CDC42SE2: variants seen among roughly 807,000 people sequenced by gnomAD.
CDC42SE2 encodes the protein CDC42 small effector 2.
A neutral mutation model predicts 11.5 loss-of-function variants in CDC42SE2; 3 were observed. The ratio of observed to expected loss-of-function variants is 0.26; its 90% confidence interval spans 0.12 to 0.67. CDC42SE2 has a LOEUF of 0.67. Among genes scored for constraint, CDC42SE2 ranks in the 30% least tolerant of loss-of-function variants. The pLI, the probability that CDC42SE2 is intolerant of heterozygous loss-of-function variation, is 0.80. For missense variants in CDC42SE2, 82 were observed against 106.8 expected (o/e 0.77, Z 1.02); for synonymous variants, 33 against 34.8 (o/e 0.95, Z 0.18).
chr5:131,212,215 C>T, the CDC42SE2 span, among the ~76,000 whole-genome samples: 2 of 151,980 alleles, frequency 1.3e-5, no homozygotes, highest in Admixed American at 6.6e-5. Context: ...TCAAGCGATT[C>T]TCCTGTCTCA....
intron 1 of CDC42SE2, among the ~76,000 whole-genome samples, chr5:131,270,869 A>G (rs1756981026): frequency 1.3e-5 from 2 of 152,076 alleles, no homozygotes; most frequent in Non-Finnish European, 2.9e-5. Flanking sequence ...TTCTCTTTTT[A>G]CTTTGCCAGG....
chr5:131,342,388 C>CT (rs35818778), intron 2 of CDC42SE2, among the ~76,000 whole-genome samples: 26,935 of 111,266 alleles, frequency 0.24, 3,801 homozygotes, highest in East Asian at 0.48. Context: ...TTTTAATAGT[C>CT]TTTTTTTTTT....
At chr5:131,290,780 A>G (rs566224902) in intron 1 of CDC42SE2, among the ~76,000 whole-genome samples, 99 of 152,248 alleles carry the variant, frequency 6.5e-4, no homozygotes, top group African/African-American at 2.3e-3. Flanking sequence ...ATGCCTGGCC[A>G]TAACTGACTT....
At chr5:131,281,412 G>T (rs1757236129) in intron 1 of CDC42SE2, among the ~76,000 whole-genome samples, 1 of 152,178 alleles carries the variant, frequency 6.6e-6, no homozygotes. Context: ...AGCCCCTAAA[G>T]AAGTGTTTTT....
At chr5:131,269,582 T>C (rs1030736796) in intron 1 of CDC42SE2, among the ~76,000 whole-genome samples, 5 of 150,658 alleles carry the variant, frequency 3.3e-5, no homozygotes, top group African/African-American at 1.2e-4. Context: ...CAGCCTGGCC[T>C]ATGAAACCTT....
At chr5:131,258,075 A>G (rs1323039387) in intron 2 of CDC42SE2, among the ~76,000 whole-genome samples, 1 of 151,142 alleles carries the variant, frequency 6.6e-6, no homozygotes, top group Non-Finnish European at 1.5e-5. Flanking sequence ...ATCTTTCCCC[A>G]CTCTTGTATG....
the CDC42SE2 span, among the ~76,000 whole-genome samples, chr5:131,215,376 G>T: frequency 6.6e-6 from 1 of 152,202 alleles, no homozygotes; most frequent in Admixed American, 6.5e-5. Flanking sequence ...AAGAATGGAG[G>T]AATTGGTTTA....
chr5:131,220,285 C>T, the CDC42SE2 span, among the ~76,000 whole-genome samples: 3 of 152,144 alleles, frequency 2.0e-5, no homozygotes, highest in Admixed American at 2.0e-4. Context: ...CGGCTCACTG[C>T]AACCTCCGTC....
At chr5:131,374,095 TA>T (rs1226640175) in intron 3 of CDC42SE2, among the ~76,000 whole-genome samples, 2 of 152,050 alleles carry the variant, frequency 1.3e-5, no homozygotes, top group Admixed American at 6.6e-5. Flanking sequence ...AAAGTAATAC[TA>T]GGGGAAAATT....
At chr5:131,219,477 C>T in the CDC42SE2 span, among the ~76,000 whole-genome samples, 3 of 152,058 alleles carry the variant, frequency 2.0e-5, no homozygotes, top group African/African-American at 7.2e-5. Context: ...TAAAGTCTGG[C>T]CATTTTTTCT....
At chr5:131,321,972 T>C (rs540547921) in intron 2 of CDC42SE2, among the ~76,000 whole-genome samples, 1 of 152,294 alleles carries the variant, frequency 6.6e-6, no homozygotes, top group South Asian at 2.1e-4. Context: ...TACCTCAGCC[T>C]CCCAAGTAGC....
At chr5:131,246,050 T>G (rs566049246) in intron 1 of CDC42SE2, among the ~76,000 whole-genome samples, 7 of 152,344 alleles carry the variant, frequency 4.6e-5, no homozygotes, top group Admixed American at 3.9e-4. Context: ...TTCTATTACT[T>G]TTATACCTGA....
At position 131,390,973 on chromosome 5, in the gene CDC42SE2, G is replaced by T. The variant is rs1430534473; in HGVS notation, c.157-20G>T. ...TTCCTGACTTCCATTTTGTTTTGTT[G>T]TATTTTTGTCTTGTTTTAGGTTAGC... On this transcript the variant is annotated intron_variant, in intron 4 of 4. Coordinates refer to ENST00000505065, the MANE Select transcript of CDC42SE2 (RefSeq NM_001375635.1). 1 of 1,563,130 alleles carries T rather than the reference G, an allele frequency of 6.4e-7. No homozygotes were observed. The highest frequency in any genetic ancestry group is 1.7e-5 in the Admixed American group (1 of 59,218).
At chr5:131,309,428 G>A (rs188207258) in intron 1 of CDC42SE2, among the ~76,000 whole-genome samples, 194 of 152,140 alleles carry the variant, frequency 1.3e-3, no homozygotes, top group Non-Finnish European at 2.5e-3. Context: ...GTGTCTCTGC[G>A]CGGCGTTGGT....
intron 2 of CDC42SE2, among the ~76,000 whole-genome samples, chr5:131,350,286 GTT>G (rs959926804): frequency 6.6e-6 from 1 of 151,536 alleles, no homozygotes; most frequent in Non-Finnish European, 1.5e-5. Context: ...TTCCTTGGCA[GTT>G]TCTGTGGTAT....
At chr5:131,312,181 C>T (rs927677032) in intron 1 of CDC42SE2, among the ~76,000 whole-genome samples, 6 of 151,232 alleles carry the variant, frequency 4.0e-5, no homozygotes, top group East Asian at 2.0e-4. Context: ...CCTCAGCTGC[C>T]GGTCTGTTGG....
chr5:131,299,253 A>C (rs1031522396), intron 1 of CDC42SE2, among the ~76,000 whole-genome samples: 12 of 152,218 alleles, frequency 7.9e-5, no homozygotes, highest in African/African-American at 2.9e-4. Flanking sequence ...CATTCATTTT[A>C]GAAGTATCAT....
intron 1 of CDC42SE2, among the ~76,000 whole-genome samples, chr5:131,265,520 C>T (rs1317262781): frequency 6.6e-6 from 1 of 152,158 alleles, no homozygotes; most frequent in Non-Finnish European, 1.5e-5. Flanking sequence ...ATTCATTAAG[C>T]ACCTGTTTAT....
chr5:131,279,241 A>G (rs966013897), intron 1 of CDC42SE2, among the ~76,000 whole-genome samples: 18 of 152,118 alleles, frequency 1.2e-4, no homozygotes, highest in African/African-American at 4.3e-4. Context: ...AGATTCATTT[A>G]TTGCATAAAA....
Sources: gnomAD v4.1 joint callset for allele counts (sites outside exome capture counted in the v4.1 genomes callset) on GRCh38, gnomAD v4.1.1 for gene constraint, MANE v1.5 for transcripts, NCBI Gene and HGNC (gene_info 2026-07-23, HGNC 2026-07-21) for gene names.